The following DOK7 variants were observed in gnomAD, a reference collection of about 807,000 sequenced individuals.
DOK7 encodes docking protein 7.
In DOK7, 32 loss-of-function variants were observed where a neutral mutation model predicts 30.7. That is an observed-to-expected ratio of 1.04 (90% CI 0.79 to 1.40). DOK7 has a LOEUF of 1.40. Among genes scored for constraint, DOK7 ranks in the 40% most tolerant of loss-of-function variants. DOK7 has a pLI of 0.00. For missense variants in DOK7, 1,007 were observed against 699.2 expected (o/e 1.44, Z -4.97); for synonymous variants, 447 against 324.1 (o/e 1.38, Z -4.07).
chr4:3,492,271 A>C (rs566657233), intron 6 of DOK7, among the ~76,000 whole-genome samples: 1 of 151,678 alleles, frequency 6.6e-6, no homozygotes, highest in East Asian at 1.9e-4. Context: ...GGGCGAGTCG[A>C]GGTGTGTGGG....
downstream of DOK7, chr4:3,496,901 G>C: frequency 6.5e-7 from 1 of 1,531,416 alleles, no homozygotes; most frequent in Non-Finnish European, 8.7e-7. Context: ...CTCGGGGACA[G>C]GAAGGCGGGA....
At chr4:3,496,877 C>T, downstream of DOK7, 2 of 1,533,448 alleles carry the variant, frequency 1.3e-6, no homozygotes, top group Non-Finnish European at 1.7e-6. Flanking sequence ...GCACCTGGAG[C>T]CAGTCCCCCA....
chr4:3,467,187 A>ACCCCCCCC (rs397740016), intron 2 of DOK7, among the ~76,000 whole-genome samples: 1 of 143,138 alleles, frequency 7.0e-6, no homozygotes, highest in Non-Finnish European at 1.5e-5. Context: ...GTGGGCGGGG[A>ACCCCCCCC]CCCCCCCCAC....
chr4:3,500,801 G>A (rs1729150759), exon 8 of DOK7: 2 of 1,533,164 alleles, frequency 1.3e-6, no homozygotes, highest in Non-Finnish European at 1.7e-6. Flanking sequence ...CGGAGCTGGA[G>A]CAGAGGAAGG....
chr4:3,494,075 G>C lies in DOK7; in HGVS notation c.*574G>C, dbSNP rs1246533294. ...CTCAGGAGGCTGTGTGGCTTGCGGG[G>C]TCTCTGGGTTCTGGGCCCCACTGTT... On this transcript the variant is annotated 3_prime_UTR_variant, in exon 7 of 7. Coordinates refer to ENST00000340083, the MANE Select transcript of DOK7 (RefSeq NM_173660.5). 2.0e-6 allele frequency: 2 copies of C among 986,886 alleles called. No individual in the cohort carries two copies. Among genetic ancestry groups the C allele is most frequent in the South Asian group, 9.4e-5 (2 of 21,344 alleles). The allele number at this position is 986,886 out of a possible 1,614,324, so 61.1% of individuals were successfully genotyped here.
intron 6 of DOK7, chr4:3,500,201 C>T (rs1487076202): frequency 2.0e-6 from 3 of 1,525,372 alleles, no homozygotes; most frequent in Non-Finnish European, 8.8e-7. Flanking sequence ...TCTTTGAGAT[C>T]TGTGCCCCTC....
intron 2 of DOK7, among the ~76,000 whole-genome samples, chr4:3,470,556 G>A (rs1726697539): frequency 6.6e-6 from 1 of 152,216 alleles, no homozygotes. Context: ...AGCCTTGCAG[G>A]GGTAGAGGTC....
chr4:3,497,540 C>A (rs1728981742), downstream of DOK7, among the ~76,000 whole-genome samples: 1 of 152,054 alleles, frequency 6.6e-6, no homozygotes, highest in Non-Finnish European at 1.5e-5. Flanking sequence ...GGACGGCTGG[C>A]CTGGGGTAGA....
chr4:3,471,419 G>A (rs1166606875), intron 2 of DOK7, among the ~76,000 whole-genome samples: 3 of 152,190 alleles, frequency 2.0e-5, no homozygotes, highest in Non-Finnish European at 4.4e-5. Flanking sequence ...TGTATGGTGC[G>A]TGATTATCCT....
chr4:3,464,935 G>T (rs536727448), intron 2 of DOK7, among the ~76,000 whole-genome samples: 1 of 152,300 alleles, frequency 6.6e-6, no homozygotes, highest in South Asian at 2.1e-4. Context: ...GGTGGCTCCC[G>T]AGCGTCTGCT....
Position 3,486,830 on chromosome 4 carries a change from G to T in DOK7, c.652+1172G>T, listed in dbSNP as rs1354113729. On this transcript the variant is annotated intron_variant, in intron 5 of 6. Coordinates refer to ENST00000340083, the MANE Select transcript of DOK7 (RefSeq NM_173660.5). ...GGTGTGTTTGGCTGTGCAAGGCGAG[G>T]GTGTGCAGAGTGCAGGGCGGGGACA... 3.3e-5 allele frequency among the ~76,000 whole-genome samples: 5 copies of T among 152,160 alleles called. No homozygotes were observed. The South Asian group carries it at 1.0e-3, about 31-fold the overall frequency.
At position 3,491,421 on chromosome 4, in the gene DOK7, TCTTCC is replaced by T. The variant is rs1560229547; in HGVS notation, c.773-1336_773-1332del. Among the ~76,000 whole-genome samples the T allele has an allele frequency of 1.4e-3, 100 of 73,938 alleles. 1 individual carries two copies. The South Asian group carries it at 0.017, about 12-fold the overall frequency. 48.5% of individuals were successfully genotyped at this position (73,938 alleles called of 152,430 possible). On this transcript the variant is annotated intron_variant, in intron 6 of 6. Coordinates refer to ENST00000340083, the MANE Select transcript of DOK7 (RefSeq NM_173660.5). ...GCTCACCCCAGCTTCCTTCTTTCCTTCTTCCCCTGCTCATTCATTTCTTTCTTCTC... is the reference window on the plus strand; with the variant it reads ...GCTCACCCCAGCTTCCTTCTTTCCTTCCTGCTCATTCATTTCTTTCTTCTC...
Position 3,493,080 on chromosome 4 carries a change from C to A in DOK7, c.1094C>A (p.Ala365Asp). 6.3e-7 allele frequency: 1 copy of A among 1,576,676 alleles called. No homozygotes were observed. ...YAGSSLDVWRATDELGSLLSL... is the reference protein window; with the variant it reads ...YAGSSLDVWRDTDELGSLLSL... The stretch of plus-strand genomic sequence containing the variant: ...GGCAGCAGCCTGGACGTGTGGCGGG[C>A]CACAGATGAACTGGGCTCACTGCTC... Residue 365 changes from alanine (A) to aspartate (D), a missense_variant, in exon 7 of 7, where the codon GCC becomes GAC. Ala to Asp is a moderately radical substitution (Grantham distance 126). Transcript: ENST00000340083.
At chr4:3,485,424 A>C (rs916189) in intron 4 of DOK7, 115 bp from the exon 5 acceptor site, 1 of 1,341,092 alleles carries the variant, frequency 7.5e-7, no homozygotes. Flanking sequence ...GGGGCCAGGC[A>C]GGGTGTCATT....
In DOK7 at chr4:3,491,522, TTCATTCATTTCTTCCTTCTCCCAC is replaced by T. The variant is rs556592983; in HGVS notation, c.773-1236_773-1213del. On this transcript the variant is annotated intron_variant, in intron 6 of 6. Coordinates refer to ENST00000340083, the MANE Select transcript of DOK7 (RefSeq NM_173660.5). ...TCCGCTTATTCCTTCCTTCTGTCTG[TTCATTCATTTCTTCCTTCTCCCAC>T]CTATTCATTCATTCCTTCCTTCACT... Among the ~76,000 whole-genome samples the T allele has an allele frequency of 5.9e-3, 401 of 67,914 alleles. 3 individuals are homozygous for T. The highest frequency in any genetic ancestry group is 0.015 in the African/African-American group (339 of 22,668). 44.6% of individuals were successfully genotyped at this position (67,914 alleles called of 152,430 possible).
At chr4:3,482,595 G>A (rs1000070207) in intron 4 of DOK7, among the ~76,000 whole-genome samples, 4 of 152,268 alleles carry the variant, frequency 2.6e-5, no homozygotes, top group South Asian at 2.1e-4. Context: ...GAGAAGGAGC[G>A]GCCTCTGAGG....
intron 3 of DOK7, 55 bp from the exon 4 acceptor site, chr4:3,476,273 ACCCCACCCGCCCGT>A: frequency 6.4e-6 from 3 of 468,342 alleles, no homozygotes; most frequent in Non-Finnish European, 5.5e-6. Flanking sequence ...ATGCCCTCTC[ACCCCACCCGCCCGT>A]GATGTCCTCT....
chr4:3,492,633 T>G, intron 6 of DOK7, 126 bp from the exon 7 acceptor site: 2 of 1,355,114 alleles, frequency 1.5e-6, no homozygotes, highest in Non-Finnish European at 2.0e-6. Context: ...GCCCCGGGGC[T>G]TGGGGGCTGG....
Position 3,470,422 on chromosome 4 carries a change from G to A in DOK7, c.101-2984G>A, listed in dbSNP as rs150462945. ...TCCTGGATTTTCAGGCGTTCCCAAG[G>A]TGCAGGATGTGAGTCTGCATTTGTA... On this transcript the variant is annotated intron_variant, in intron 2 of 6. Transcript: ENST00000340083. Among the ~76,000 whole-genome samples, 9 of 152,330 alleles carry A rather than the reference G, an allele frequency of 5.9e-5. No individual in the cohort carries two copies. In the East Asian group the frequency reaches 1.5e-3, roughly 26 times the overall value.
Sources: allele counts gnomAD v4.1 joint callset (sites outside exome capture counted in the v4.1 genomes callset), GRCh38; gene constraint gnomAD v4.1.1; transcripts MANE v1.5; gene names NCBI Gene and HGNC (gene_info 2026-07-23, HGNC 2026-07-21).